ZNF385D: variants seen among roughly 807,000 people sequenced by gnomAD.
ZNF385D encodes zinc finger protein 659.
Under a neutral mutation model 35.8 loss-of-function variants are expected in ZNF385D, and 15 were observed. The observed-to-expected ratio is 0.42, with a 90% CI of 0.28 to 0.64. The LOEUF is 0.64. ZNF385D is among the 30% of genes least tolerant of loss of function. The pLI is 0.23. For missense variants in ZNF385D, 474 were observed against 494.6 expected (o/e 0.96, Z 0.39); for synonymous variants, 212 against 186.8 (o/e 1.13, Z -1.10).
intron 3 of ZNF385D, among the ~76,000 whole-genome samples, chr3:21,855,169 G>A (rs890678378): frequency 5.3e-5 from 8 of 151,952 alleles, no homozygotes; most frequent in African/African-American, 1.4e-4. Context: ...GAAAGTAACA[G>A]CATATTGTTA....
chr3:21,431,909 A>G (rs562932611), intron 5 of ZNF385D, among the ~76,000 whole-genome samples: 2 of 152,300 alleles, frequency 1.3e-5, no homozygotes, highest in South Asian at 2.1e-4. Context: ...CAGAGTCACA[A>G]TTAGACATGG....
At chr3:21,509,781 A>G (rs1031246979) in intron 4 of ZNF385D, among the ~76,000 whole-genome samples, 2 of 152,228 alleles carry the variant, frequency 1.3e-5, no homozygotes, top group African/African-American at 2.4e-5. Flanking sequence ...TGATGCATCT[A>G]CAATAATACC....
intron 2 of ZNF385D, among the ~76,000 whole-genome samples, chr3:22,197,014 AT>A (rs1473709291): frequency 1.2e-4 from 18 of 152,152 alleles, no homozygotes; most frequent in African/African-American, 4.3e-4. Flanking sequence ...CTATTTCTCA[AT>A]TTGTAAGTAT....
chr3:21,892,895 T>C (rs966229983), intron 3 of ZNF385D, among the ~76,000 whole-genome samples: 9 of 152,208 alleles, frequency 5.9e-5, no homozygotes, highest in African/African-American at 2.2e-4. Flanking sequence ...TAGAATAGAA[T>C]GCAGAATGTC....
intron 3 of ZNF385D, among the ~76,000 whole-genome samples, chr3:21,548,037 C>G: frequency 6.6e-6 from 1 of 152,116 alleles, no homozygotes; most frequent in South Asian, 2.1e-4. Context: ...CCTGGCCCCT[C>G]CTCTTCCCGT....
At chr3:21,673,182 G>A (rs917169782) in intron 1 of ZNF385D, among the ~76,000 whole-genome samples, 1 of 152,006 alleles carries the variant, frequency 6.6e-6, no homozygotes, top group African/African-American at 2.4e-5. Context: ...ATCATGCTGG[G>A]ATGTCTAATA....
intron 3 of ZNF385D, among the ~76,000 whole-genome samples, chr3:22,066,997 G>C (rs17010682): frequency 0.013 from 1,990 of 152,252 alleles, 41 homozygotes; most frequent in African/African-American, 0.045. Flanking sequence ...TGAAAGTCTA[G>C]ATCACGCTCA....
chr3:21,972,734 A>C (rs571827819), intron 3 of ZNF385D, among the ~76,000 whole-genome samples: 1 of 152,052 alleles, frequency 6.6e-6, no homozygotes, highest in South Asian at 2.1e-4. Context: ...GTTAGAGATG[A>C]AAAAGGGACA....
At position 21,695,359 on chromosome 3, in the gene ZNF385D, T is replaced by C. The variant is rs115068320; in HGVS notation, c.23-30331A>G. On this transcript the variant is annotated intron_variant, in intron 1 of 7. Transcript: ENST00000281523. ...GCTGAGAGAAAGTGAAGCTGATCCATAGTGGATGGTAATACTCAAGGGATA... is the reference window on the plus strand; with the variant it reads ...GCTGAGAGAAAGTGAAGCTGATCCACAGTGGATGGTAATACTCAAGGGATA... Among the ~76,000 whole-genome samples the C allele has an allele frequency of 8.6e-3, 1,313 of 152,300 alleles. 11 individuals are homozygous for C. The highest frequency in any genetic ancestry group is 0.029 in the African/African-American group (1,214 of 41,568).
At chr3:22,068,152 G>C (rs1018864241) in intron 3 of ZNF385D, among the ~76,000 whole-genome samples, 1 of 152,106 alleles carries the variant, frequency 6.6e-6, no homozygotes, top group African/African-American at 2.4e-5. Flanking sequence ...CATTTATTAC[G>C]GTTCATCTGC....
In ZNF385D at chr3:21,417,247, C is replaced by T. The variant is rs1700575324; in HGVS notation, c.*3967G>A. 1 of 152,008 alleles carries T rather than the reference C, an allele frequency of 6.6e-6. No homozygotes were observed. The highest frequency in any genetic ancestry group is 2.4e-5 in the African/African-American group (1 of 41,414). The allele number at this position is 152,008 out of a possible 1,614,324, so 9.4% of individuals were successfully genotyped here. Reference sequence around the variant, plus strand: ...GCCCCTCTAGTGCTGATGTATTAAACCAGCTTAGCTATTAATCACTGTCAT... The same window carrying T: ...GCCCCTCTAGTGCTGATGTATTAAATCAGCTTAGCTATTAATCACTGTCAT... On this transcript the variant is annotated 3_prime_UTR_variant, in exon 8 of 8. Coordinates refer to ENST00000281523, the MANE Select transcript of ZNF385D (RefSeq NM_024697.3).
chr3:21,803,742 T>C (rs568131144), intron 3 of ZNF385D, among the ~76,000 whole-genome samples: 2 of 152,292 alleles, frequency 1.3e-5, no homozygotes, highest in Non-Finnish European at 2.9e-5. Context: ...TCCTTAAATG[T>C]GGCAAATCTA....
intron 2 of ZNF385D, among the ~76,000 whole-genome samples, chr3:21,612,602 C>CAT (rs2064716608): frequency 6.6e-6 from 1 of 151,602 alleles, no homozygotes; most frequent in African/African-American, 2.4e-5. Context: ...GCTCTTATAA[C>CAT]ATATCAGTCA....
chr3:21,863,911 C>G (rs1298499731), intron 3 of ZNF385D, among the ~76,000 whole-genome samples: 2 of 152,054 alleles, frequency 1.3e-5, no homozygotes, highest in Non-Finnish European at 2.9e-5. Flanking sequence ...CATGAATCAC[C>G]AGGAATCTTG....
intron 3 of ZNF385D, among the ~76,000 whole-genome samples, chr3:21,961,778 C>T (rs259566): frequency 0.82 from 125,267 of 152,082 alleles, 52,504 homozygotes; most frequent in African/African-American, 0.95. Context: ...GAAGAATACA[C>T]ACAAATCCAT....
intron 1 of ZNF385D, among the ~76,000 whole-genome samples, chr3:21,699,901 G>A (rs1031452923): frequency 7.4e-6 from 1 of 135,354 alleles, no homozygotes; most frequent in African/African-American, 2.8e-5. Flanking sequence ...GTGCGATCTT[G>A]GCTCACTACA....
chr3:21,803,911 C>T (rs889918949), intron 3 of ZNF385D, among the ~76,000 whole-genome samples: 4 of 152,164 alleles, frequency 2.6e-5, no homozygotes, highest in African/African-American at 7.2e-5. Context: ...ATGTCTGTGG[C>T]GCTGTCACTT....
At chr3:22,071,938 T>C (rs1700248338) in intron 3 of ZNF385D, among the ~76,000 whole-genome samples, 3 of 152,130 alleles carry the variant, frequency 2.0e-5, no homozygotes, top group Non-Finnish European at 4.4e-5. Flanking sequence ...TTGCAAGGTC[T>C]GGTAACTCAT....
chr3:22,217,509 G>A (rs2638135), intron 2 of ZNF385D, among the ~76,000 whole-genome samples: 132,788 of 152,174 alleles, frequency 0.87, 58,304 homozygotes, highest in East Asian at 0.97. Flanking sequence ...CAATGACCCT[G>A]TTTCCAAATA....
Sources: allele counts gnomAD v4.1 joint callset (sites outside exome capture counted in the v4.1 genomes callset), GRCh38; gene constraint gnomAD v4.1.1; transcripts MANE v1.5; gene names NCBI Gene and HGNC (gene_info 2026-07-23, HGNC 2026-07-21).